COLEC12: variants seen among roughly 807,000 people sequenced by gnomAD.
COLEC12 encodes the protein collectin-12.
COLEC12 carries 33 observed loss-of-function variants against 71.1 expected under a neutral mutation model. The ratio of observed to expected loss-of-function variants is 0.46; its 90% confidence interval spans 0.35 to 0.62. The LOEUF (loss-of-function observed/expected upper bound fraction) is 0.62, where lower values mean the gene tolerates loss of function less well. Among genes scored for constraint, COLEC12 ranks in the 20% least tolerant of loss-of-function variants. The pLI, the probability that COLEC12 is intolerant of heterozygous loss-of-function variation, is 0.00. For missense variants in COLEC12, 765 were observed against 916.1 expected, an observed-to-expected ratio of 0.84 and a Z score of 2.13; for synonymous variants, 350 against 353.0, an observed-to-expected ratio of 0.99 and a Z score of 0.10.
At chr18:454,190 G>A (rs982566542) in intron 2 of COLEC12, among the ~76,000 whole-genome samples, 4 of 152,044 alleles carry the variant, frequency 2.6e-5, no homozygotes, top group Admixed American at 6.5e-5. Flanking sequence ...CCATCTCCCC[G>A]CCACTCTATT....
Position 332,987 on chromosome 18 carries a change from C to A in COLEC12, c.1953+20G>T, listed in dbSNP as rs371151646. The stretch of plus-strand genomic sequence containing the variant: ...TCCTTAAATTATAGTTTTCCCCAAC[C>A]AAGTATGTGGCAGGCATACCTGTTC... On this transcript the variant is annotated intron_variant, in intron 7 of 9. Transcript: ENST00000400256. 207 of 1,542,188 alleles carry A rather than the reference C, an allele frequency of 1.3e-4. No homozygotes were observed. Among genetic ancestry groups the A allele is most frequent in the Non-Finnish European group, 1.6e-4 (189 of 1,147,834 alleles).
intron 2 of COLEC12, among the ~76,000 whole-genome samples, chr18:430,663 T>C (rs1465698256): frequency 6.6e-6 from 1 of 152,344 alleles, no homozygotes; most frequent in Non-Finnish European, 1.5e-5. Flanking sequence ...AAGTCAATTT[T>C]AATTTATTTT....
intron 2 of COLEC12, among the ~76,000 whole-genome samples, chr18:432,832 G>GT (rs1053160153): frequency 1.6e-4 from 25 of 152,234 alleles, no homozygotes; most frequent in African/African-American, 5.8e-4. Flanking sequence ...ACCTTTCAAG[G>GT]TAAAGTGCCA....
At chr18:355,992 T>G (rs1227139596) in intron 3 of COLEC12, among the ~76,000 whole-genome samples, 4 of 152,198 alleles carry the variant, frequency 2.6e-5, no homozygotes, top group Non-Finnish European at 5.9e-5. Context: ...TTTTCCAGAT[T>G]TCCATTGTCC....
Position 345,264 on chromosome 18 carries a change from TTAA to T in COLEC12, c.1327+1028_1327+1030del, listed in dbSNP as rs1914345822. ...AATAGTTTGTGACTGGAAAATACTG[TTAA>T]TATATGATGCTACAATTCTTCAACT... is the stretch of plus-strand genomic sequence containing the variant. On this transcript the variant is annotated intron_variant, in intron 5 of 9. Transcript: ENST00000400256. Among the ~76,000 whole-genome samples, 14 of 152,366 alleles carry T rather than the reference TTAA, an allele frequency of 9.2e-5. No individual in the cohort carries two copies. The South Asian group carries it at 2.9e-3, about 32-fold the overall frequency.
intron 8 of COLEC12, among the ~76,000 whole-genome samples, chr18:328,854 T>C (rs1405454525): frequency 1.3e-5 from 2 of 152,230 alleles, no homozygotes; most frequent in African/African-American, 4.8e-5. Flanking sequence ...TGGCTTTCTT[T>C]CTAGTTTGTG....
intron 2 of COLEC12, among the ~76,000 whole-genome samples, chr18:435,331 T>C (rs1418307119): frequency 6.6e-6 from 1 of 152,162 alleles, no homozygotes; most frequent in African/African-American, 2.4e-5. Context: ...CTTACAATCA[T>C]GGCAGAAGGC....
intron 2 of COLEC12, among the ~76,000 whole-genome samples, chr18:366,596 C>T (rs752579901): frequency 5.9e-5 from 9 of 152,146 alleles, no homozygotes; most frequent in African/African-American, 1.7e-4. Context: ...TGCTGTGTTG[C>T]GTTTGCATTT....
At chr18:449,527 T>G (rs1012905477) in intron 2 of COLEC12, among the ~76,000 whole-genome samples, 2 of 152,222 alleles carry the variant, frequency 1.3e-5, no homozygotes, top group Non-Finnish European at 1.5e-5. Context: ...AAACTCTCTC[T>G]CAGGGACTCC....
At chr18:363,860 C>A (rs899240942) in intron 2 of COLEC12, among the ~76,000 whole-genome samples, 2 of 152,026 alleles carry the variant, frequency 1.3e-5, no homozygotes, top group Admixed American at 6.6e-5. Flanking sequence ...AAATACAAAT[C>A]CCAGCCCTGG....
intron 2 of COLEC12, among the ~76,000 whole-genome samples, chr18:423,228 C>T (rs1916133207): frequency 6.6e-6 from 1 of 152,150 alleles, no homozygotes; most frequent in Non-Finnish European, 1.5e-5. Context: ...ATGATCATGC[C>T]ACTGCACTCC....
chr18:326,169 GAT>G (rs970980581), intron 8 of COLEC12, among the ~76,000 whole-genome samples: 5 of 152,090 alleles, frequency 3.3e-5, no homozygotes, highest in African/African-American at 1.2e-4. Flanking sequence ...CACAGATCTT[GAT>G]ATGTTTTCAT....
chr18:343,783 T>C (rs1476135223), intron 5 of COLEC12, among the ~76,000 whole-genome samples: 4 of 152,136 alleles, frequency 2.6e-5, no homozygotes, highest in Admixed American at 6.5e-5. Context: ...ACTCAAACCT[T>C]CTAAGCCTTA....
At position 318,488 on chromosome 18, in the gene COLEC12, G is replaced by GTTTTTTTTTTTTTTTTTTTTTTTTTTT. The variant is rs71361502; in HGVS notation, c.*1556_*1557insAAAAAAAAAAAAAAAAAAAAAAAAAAA. The GTTTTTTTTTTTTTTTTTTTTTTTTTTT allele has an allele frequency of 1.0e-5, 1 of 99,024 alleles. No individual in the cohort carries two copies. The allele number at this position is 99,024 out of a possible 1,614,324, so 6.1% of individuals were successfully genotyped here. ...AAAGGAAGATGGGCTCAGAGGAAAG[G>GTTTTTTTTTTTTTTTTTTTTTTTTTTT]TTTTTTTTTTTTTTTTTTTTTTGAG... On this transcript the variant is annotated 3_prime_UTR_variant, in exon 10 of 10. Transcript: ENST00000400256.
chr18:346,646 C>T lies in COLEC12; in HGVS notation c.976G>A (p.Ala326Thr), dbSNP rs539590248. The T allele has an allele frequency of 6.2e-7, 1 of 1,614,044 alleles. No individual in the cohort carries two copies. Among genetic ancestry groups the T allele is most frequent in the Admixed American group, 1.7e-5 (1 of 60,002 alleles). The change falls in exon 5 of 10, where the codon GCC (alanine) becomes ACC (threonine). Residue 326 changes from alanine to threonine, a missense_variant. Transcript: ENST00000400256. This position sits in a 1 kb window ranked among gnomAD's most constrained non-coding sequence, Gnocchi z 4.0. ...TCCTCCAGTTGGTTGAACTTGATGGCTGTTCTATTCTCTGCATCTTTGTGT... is the reference window on the plus strand; with the variant it reads ...TCCTCCAGTTGGTTGAACTTGATGGTTGTTCTATTCTCTGCATCTTTGTGT... Reference protein sequence around the residue: ...DLHKDAENRTAIKFNQLEERF... With the variant: ...DLHKDAENRTTIKFNQLEERF...
chr18:439,613 TA>T lies in COLEC12; in HGVS notation c.58+41093del, dbSNP rs1284214770. 1.5e-3 allele frequency among the ~76,000 whole-genome samples: 225 copies of T among 152,188 alleles called. 2 individuals are homozygous for T. Among genetic ancestry groups the T allele is most frequent in the Non-Finnish European group, 6.8e-4 (46 of 68,010 alleles). On this transcript the variant is annotated intron_variant, in intron 2 of 9. Coordinates refer to ENST00000400256, the MANE Select transcript of COLEC12 (RefSeq NM_130386.3). ...TAATTTACATATCATAAAATTCATC[TA>T]TTTGGAACCAAAACCACAATGAAAT...
chr18:471,454 T>C (rs578023538), intron 2 of COLEC12, among the ~76,000 whole-genome samples: 4 of 152,148 alleles, frequency 2.6e-5, no homozygotes, highest in East Asian at 1.9e-4. Flanking sequence ...TTCTCTATTA[T>C]GCTGATGTCT....
intron 2 of COLEC12, 32 bp from the exon 3 acceptor site, chr18:357,554 A>G: frequency 1.3e-6 from 2 of 1,495,670 alleles, no homozygotes; most frequent in Non-Finnish European, 1.8e-6. Flanking sequence ...AATAACAGTA[A>G]GCAAAGATGT....
intron 2 of COLEC12, among the ~76,000 whole-genome samples, chr18:430,867 T>C (rs1224331705): frequency 6.6e-6 from 1 of 152,206 alleles, no homozygotes; most frequent in African/African-American, 2.4e-5. Flanking sequence ...GGCCACAATT[T>C]TGGAAATATA....
Sources: gnomAD v4.1 joint callset for allele counts (sites outside exome capture counted in the v4.1 genomes callset) on GRCh38, gnomAD v4.1.1 for gene constraint, Gnocchi (gnomAD v3.1) non-coding constraint, MANE v1.5 for transcripts, NCBI Gene and HGNC (gene_info 2026-07-23, HGNC 2026-07-21) for gene names.